The following HS6ST3 variants were observed in gnomAD, a reference collection of about 807,000 sequenced individuals.
HS6ST3 encodes the protein heparan-sulfate 6-O-sulfotransferase 3.
A neutral mutation model predicts 36.7 loss-of-function variants in HS6ST3; 12 were observed. The observed-to-expected ratio is 0.33, with a 90% CI of 0.21 to 0.53. HS6ST3 has a LOEUF of 0.53. HS6ST3 is among the 20% of genes least tolerant of loss of function. The pLI, the probability that HS6ST3 is intolerant of heterozygous loss-of-function variation, is 0.95. For missense variants in HS6ST3, 584 were observed against 640.9 expected (o/e 0.91, Z 0.96); for synonymous variants, 240 against 257.5 (o/e 0.93, Z 0.65).
At position 96,189,822 on chromosome 13, in the gene HS6ST3, G is replaced by A. The variant is rs567353729; in HGVS notation, c.707+98253G>A. On this transcript the variant is annotated intron_variant, in intron 1 of 1. Coordinates refer to ENST00000376705, the MANE Select transcript of HS6ST3 (RefSeq NM_153456.4). The stretch of plus-strand genomic sequence containing the variant: ...ACCCAAGAGACTAAATCAACTACAT[G>A]ATCAGATTTAAAGCTGGTGCATCAT... 3.3e-5 allele frequency among the ~76,000 whole-genome samples: 5 copies of A among 152,280 alleles called. No homozygotes were observed. In the East Asian group the frequency reaches 9.6e-4, roughly 29 times the overall value.
intron 1 of HS6ST3, among the ~76,000 whole-genome samples, chr13:96,813,135 A>G (rs1878353668): frequency 6.6e-6 from 1 of 152,242 alleles, no homozygotes; most frequent in South Asian, 2.1e-4. Flanking sequence ...TTTGCAATTT[A>G]CTTTCAGAAG....
chr13:96,614,113 A>G (rs562628939), intron 1 of HS6ST3, among the ~76,000 whole-genome samples: 53 of 151,904 alleles, frequency 3.5e-4, no homozygotes, highest in Non-Finnish European at 6.3e-4. Flanking sequence ...CCTGGCTAAC[A>G]TGGTGAAACC....
chr13:96,393,744 G>T (rs942382867), intron 1 of HS6ST3, among the ~76,000 whole-genome samples: 2 of 152,140 alleles, frequency 1.3e-5, no homozygotes, highest in African/African-American at 4.8e-5. Context: ...GGCAAGGGAA[G>T]GGAGATGGGC....
intron 1 of HS6ST3, among the ~76,000 whole-genome samples, chr13:96,599,155 C>G (rs2056412621): frequency 6.6e-6 from 1 of 151,508 alleles, no homozygotes; most frequent in Non-Finnish European, 1.5e-5. Flanking sequence ...TCTTTTTGTC[C>G]TTTTCTGGGT....
At chr13:96,469,000 A>AT in intron 1 of HS6ST3, among the ~76,000 whole-genome samples, 1 of 151,798 alleles carries the variant, frequency 6.6e-6, no homozygotes. Flanking sequence ...TAATGAAAAT[A>AT]TTTTTTCTAA....
At chr13:96,346,529 C>T (rs7989766) in intron 1 of HS6ST3, among the ~76,000 whole-genome samples, 3,339 of 150,838 alleles carry the variant, frequency 0.022, 105 homozygotes, top group African/African-American at 0.078. Flanking sequence ...GAGCCGAGAT[C>T]GCGCCACTGC....
chr13:96,265,386 C>G (rs1323446413), intron 1 of HS6ST3, among the ~76,000 whole-genome samples: 1 of 151,860 alleles, frequency 6.6e-6, no homozygotes, highest in Non-Finnish European at 1.5e-5. Context: ...CATTATGTTT[C>G]CCATGCTGGT....
At chr13:96,698,289 T>C (rs182612800) in intron 1 of HS6ST3, among the ~76,000 whole-genome samples, 1 of 152,260 alleles carries the variant, frequency 6.6e-6, no homozygotes, top group East Asian at 1.9e-4. Flanking sequence ...AGTGAGAGCA[T>C]GTGGTGTTTG....
intron 1 of HS6ST3, among the ~76,000 whole-genome samples, chr13:96,508,772 A>G (rs897954641): frequency 2.0e-5 from 3 of 152,060 alleles, no homozygotes; most frequent in African/African-American, 7.2e-5. Flanking sequence ...TTATCCACAC[A>G]TTAGTTGATG....
At chr13:96,698,463 A>G (rs1248340336) in intron 1 of HS6ST3, among the ~76,000 whole-genome samples, 1 of 152,146 alleles carries the variant, frequency 6.6e-6, no homozygotes, top group Non-Finnish European at 1.5e-5. Flanking sequence ...CATTTCCAAT[A>G]ACACACAAAC....
At chr13:96,510,870 C>T (rs769260387) in intron 1 of HS6ST3, among the ~76,000 whole-genome samples, 6 of 151,984 alleles carry the variant, frequency 3.9e-5, no homozygotes, top group Non-Finnish European at 4.4e-5. Flanking sequence ...TGTTTTTTTA[C>T]ATAAGTGACA....
chr13:96,710,896 A>C (rs907674774), intron 1 of HS6ST3, among the ~76,000 whole-genome samples: 8 of 152,248 alleles, frequency 5.3e-5, no homozygotes, highest in Non-Finnish European at 1.2e-4. Flanking sequence ...TTCTTTAACA[A>C]GAAATGGGAG....
At chr13:96,591,824 C>CT (rs2056383443) in intron 1 of HS6ST3, among the ~76,000 whole-genome samples, 1 of 151,924 alleles carries the variant, frequency 6.6e-6, no homozygotes, top group Admixed American at 6.6e-5. Flanking sequence ...ATGATGCCAG[C>CT]TATGGGTCTG....
At chr13:96,684,640 G>C (rs1874718083) in intron 1 of HS6ST3, among the ~76,000 whole-genome samples, 2 of 152,042 alleles carry the variant, frequency 1.3e-5, no homozygotes, top group African/African-American at 4.8e-5. Flanking sequence ...GAATGACTGG[G>C]ATCTGAAGTA....
intron 1 of HS6ST3, among the ~76,000 whole-genome samples, chr13:96,147,132 G>A (rs2054061929): frequency 6.6e-6 from 1 of 152,150 alleles, no homozygotes; most frequent in Non-Finnish European, 1.5e-5. Context: ...CAGAGCAAAC[G>A]TGTTTTGTTA....
intron 1 of HS6ST3, among the ~76,000 whole-genome samples, chr13:96,308,165 C>G (rs2054922771): frequency 6.6e-6 from 1 of 151,926 alleles, no homozygotes; most frequent in Non-Finnish European, 1.5e-5. Flanking sequence ...AGGACTGATT[C>G]CTTAGATGAT....
intron 1 of HS6ST3, among the ~76,000 whole-genome samples, chr13:96,801,470 T>A (rs2138528484): frequency 6.6e-6 from 1 of 152,216 alleles, no homozygotes; most frequent in South Asian, 2.1e-4. Context: ...CTCACTTGAT[T>A]TGTTTTCCTG....
intron 1 of HS6ST3, among the ~76,000 whole-genome samples, chr13:96,536,747 T>G (rs1294351824): frequency 6.6e-6 from 1 of 152,196 alleles, no homozygotes; most frequent in Non-Finnish European, 1.5e-5. Flanking sequence ...AATGTGGCCC[T>G]CAGGGATCTC....
intron 1 of HS6ST3, among the ~76,000 whole-genome samples, chr13:96,405,664 C>A (rs2055473838): frequency 6.6e-6 from 1 of 152,114 alleles, no homozygotes; most frequent in Non-Finnish European, 1.5e-5. Flanking sequence ...ATATAAAATA[C>A]CCTTCTTATG....
Sources: gnomAD v4.1 joint callset for allele counts (sites outside exome capture counted in the v4.1 genomes callset) on GRCh38, gnomAD v4.1.1 for gene constraint, MANE v1.5 for transcripts, NCBI Gene and HGNC (gene_info 2026-07-23, HGNC 2026-07-21) for gene names.